Variants in NRG1 observed in about 807,000 individuals in gnomAD.
NRG1 encodes pro-neuregulin-1, membrane-bound isoform.
A neutral mutation model predicts 63.8 loss-of-function variants in NRG1; 18 were observed. That is an observed-to-expected ratio of 0.28 (90% confidence interval 0.19 to 0.42). NRG1 has a LOEUF of 0.42. Ranked by LOEUF, NRG1 falls within the 10% of genes least tolerant of loss-of-function variation. The pLI, the probability that NRG1 is intolerant of heterozygous loss-of-function variation, is 1.00. For missense variants in NRG1, 762 were observed against 814.7 expected (o/e 0.94, Z 0.79); for synonymous variants, 302 against 301.3 (o/e 1.00, Z -0.02).
chr8:31,658,377 T>G (rs1256026200), intron 1 of NRG1, among the ~76,000 whole-genome samples: 1 of 152,208 alleles, frequency 6.6e-6, no homozygotes, highest in East Asian at 1.9e-4. Flanking sequence ...TTTCTCTTTG[T>G]AAAATGAGAA....
At position 32,259,517 on chromosome 8, in the gene NRG1, G is replaced by A. The variant is rs1442209556; in HGVS notation, c.38-336311G>A. ...TTGGACTTCCCAGCCCCAGAACCAT[G>A]AGCCAAATAACTTCTCTTCTTTATA... is the stretch of plus-strand genomic sequence containing the variant. On this transcript the variant is annotated intron_variant, in intron 1 of 10. Transcript: ENST00000519301. 5.3e-5 allele frequency among the ~76,000 whole-genome samples: 8 copies of A among 152,124 alleles called. No individual in the cohort carries two copies. In the East Asian group the frequency reaches 1.4e-3, roughly 26 times the overall value.
At chr8:32,536,796 T>C (rs1330114574) in intron 1 of NRG1, among the ~76,000 whole-genome samples, 2 of 151,410 alleles carry the variant, frequency 1.3e-5, no homozygotes, top group East Asian at 3.9e-4. Flanking sequence ...TGGTGGTGGG[T>C]GCCTGTAGTC....
intron 1 of NRG1, among the ~76,000 whole-genome samples, chr8:32,335,101 T>C (rs1803097682): frequency 6.6e-6 from 1 of 152,142 alleles, no homozygotes; most frequent in Non-Finnish European, 1.5e-5. Flanking sequence ...TACCATAGGA[T>C]TTAAACTGAA....
At chr8:32,460,670 C>A (rs1371786542) in intron 1 of NRG1, among the ~76,000 whole-genome samples, 7 of 152,274 alleles carry the variant, frequency 4.6e-5, no homozygotes, top group African/African-American at 1.4e-4. Flanking sequence ...TTGGAAAAAA[C>A]CCAGACAACA....
chr8:32,465,038 G>T (rs1822882787), intron 1 of NRG1, among the ~76,000 whole-genome samples: 2 of 152,144 alleles, frequency 1.3e-5, no homozygotes, highest in Non-Finnish European at 2.9e-5. Flanking sequence ...AGCTGGGTTT[G>T]GTGGTGTGTG....
At chr8:32,658,320 T>C (rs1328539015) in intron 5 of NRG1, among the ~76,000 whole-genome samples, 2 of 152,238 alleles carry the variant, frequency 1.3e-5, no homozygotes, top group Non-Finnish European at 2.9e-5. Context: ...TTGAAATCTT[T>C]TAATAACTTA....
downstream of NRG1, among the ~76,000 whole-genome samples, chr8:32,772,230 A>T (rs1801514102): frequency 1.3e-5 from 2 of 151,574 alleles, no homozygotes; most frequent in South Asian, 4.2e-4. Flanking sequence ...CCATGCATAA[A>T]ACAGAATTTT....
At chr8:32,704,166 CTTCT>C (rs1400268203) in intron 5 of NRG1, among the ~76,000 whole-genome samples, 2 of 152,196 alleles carry the variant, frequency 1.3e-5, no homozygotes, top group Admixed American at 6.5e-5. Flanking sequence ...TCCTTAATTT[CTTCT>C]TTCTATCTCC....
chr8:32,178,649 T>C (rs894302946), intron 1 of NRG1, among the ~76,000 whole-genome samples: 1 of 151,994 alleles, frequency 6.6e-6, no homozygotes, highest in Non-Finnish European at 1.5e-5. Context: ...GGGTGGAGAA[T>C]AGACTGTCCA....
At chr8:32,411,641 A>G (rs1814964835) in intron 1 of NRG1, among the ~76,000 whole-genome samples, 1 of 152,204 alleles carries the variant, frequency 6.6e-6, no homozygotes, top group African/African-American at 2.4e-5. Context: ...CTATGTAAAT[A>G]CAGATGCTCC....
chr8:32,595,764 A>G (rs1843239896), intron 1 of NRG1, 64 bp from the exon 2 acceptor site: 2 of 1,482,548 alleles, frequency 1.3e-6, no homozygotes, highest in Admixed American at 4.1e-5. Context: ...TCCAGATTAA[A>G]TGTTTCTCTT....
chr8:32,096,040 CA>C (rs1315887681), intron 1 of NRG1, among the ~76,000 whole-genome samples: 2 of 152,118 alleles, frequency 1.3e-5, no homozygotes, highest in Non-Finnish European at 2.9e-5. Flanking sequence ...GTATTTCAGG[CA>C]GAGGGAATAG....
In NRG1 at chr8:31,857,824, T is replaced by C. The variant is rs576130959; in HGVS notation, c.37+218393T>C. ...TAGTTCAAAATGGGTCATAAAGCAA[T>C]GGAGGCAACTCACAACATCAACAAC... On this transcript the variant is annotated intron_variant, in intron 1 of 10. Coordinates refer to the NRG1 transcript ENST00000519301. Among the ~76,000 whole-genome samples the C allele has an allele frequency of 4.6e-5, 7 of 152,280 alleles. No individual in the cohort carries two copies. In the South Asian group the frequency reaches 1.4e-3, roughly 32 times the overall value.
intron 1 of NRG1, among the ~76,000 whole-genome samples, chr8:32,445,740 G>A (rs1335762332): frequency 6.6e-6 from 1 of 151,888 alleles, no homozygotes; most frequent in Non-Finnish European, 1.5e-5. Flanking sequence ...TTAAGATTAA[G>A]TAAGGAAGGC....
chr8:32,703,338 ATC>A (rs1815442573), intron 5 of NRG1, among the ~76,000 whole-genome samples: 1 of 151,938 alleles, frequency 6.6e-6, no homozygotes, highest in East Asian at 1.9e-4. Context: ...GAAATATCAT[ATC>A]TGTTTGATTT....
At chr8:31,790,018 GC>G (rs1820548525) in intron 1 of NRG1, among the ~76,000 whole-genome samples, 2 of 152,132 alleles carry the variant, frequency 1.3e-5, no homozygotes, top group African/African-American at 2.4e-5. Flanking sequence ...AAGGATATAA[GC>G]AAAAAGGTAG....
At chr8:32,480,169 G>T (rs1236717594) in intron 1 of NRG1, among the ~76,000 whole-genome samples, 1 of 152,052 alleles carries the variant, frequency 6.6e-6, no homozygotes, top group Non-Finnish European at 1.5e-5. Context: ...CAGAGCACGT[G>T]GTCCCAGCCT....
At chr8:31,991,378 C>CTCTTCTTCTTCTGCT (rs141571361) in intron 1 of NRG1, among the ~76,000 whole-genome samples, 104,502 of 149,238 alleles carry the variant, frequency 0.7, 38,132 homozygotes, top group Non-Finnish European at 0.81. Flanking sequence ...CCTCCTCCTC[C>CTCTTCTTCTTCTGCT]TCTTCTTCTG....
At chr8:32,708,584 G>A (rs915882020) in intron 5 of NRG1, among the ~76,000 whole-genome samples, 2 of 152,182 alleles carry the variant, frequency 1.3e-5, no homozygotes, top group Non-Finnish European at 2.9e-5. Flanking sequence ...TCCACCTGTA[G>A]GGTCTTGGCA....
Sources: gnomAD v4.1 joint callset for allele counts (sites outside exome capture counted in the v4.1 genomes callset) on GRCh38, gnomAD v4.1.1 for gene constraint, MANE v1.5 for transcripts, NCBI Gene and HGNC (gene_info 2026-07-23, HGNC 2026-07-21) for gene names.